Variants in GALNT5 observed in about 807,000 individuals in gnomAD.
The protein encoded by GALNT5 is UDP-GalNAc:polypeptide N-acetylgalactosaminyltransferase 5.
In GALNT5, 72 loss-of-function variants were observed where a neutral mutation model predicts 85.4. The observed-to-expected ratio is 0.84, with a 90% CI of 0.70 to 1.03. GALNT5 has a LOEUF of 1.03. Ranked by LOEUF, GALNT5 falls within the 50% of genes least tolerant of loss-of-function variation. The probability of loss-of-function intolerance (pLI) is 0.00; values close to 1 mark genes in which losing one functional copy is unlikely to be tolerated. For missense variants in GALNT5, 1,137 were observed against 1,135.5 expected, an observed-to-expected ratio of 1.00 and a Z score of -0.02; for synonymous variants, 404 against 397.0, an observed-to-expected ratio of 1.02 and a Z score of -0.21.
intron 1 of GALNT5, among the ~76,000 whole-genome samples, chr2:157,275,185 C>T (rs2105130976): frequency 6.6e-6 from 1 of 152,130 alleles, no homozygotes; most frequent in African/African-American, 2.4e-5. Flanking sequence ...TCCATTCGTC[C>T]ATATATCTGT....
intron 3 of GALNT5, among the ~76,000 whole-genome samples, chr2:157,292,766 C>T (rs1191159835): frequency 3.3e-5 from 5 of 152,044 alleles, no homozygotes; most frequent in Middle Eastern, 3.4e-3. Flanking sequence ...AGTGCAGTGC[C>T]GTGATCTCTG....
In GALNT5 at chr2:157,259,393, TC is replaced by T; in HGVS notation, c.1313del (p.Pro438GlnfsTer8). ...VTLSPRDPKA[P>X]GQFGRPVVVP... ...CACTTTCTCCAAGGGACCCCAAAGCTCCAGGGCAGTTTGGGCGTCCTGTAGT... is the reference window on the plus strand; with the variant it reads ...CACTTTCTCCAAGGGACCCCAAAGCTCAGGGCAGTTTGGGCGTCCTGTAGT... On this transcript the variant is annotated frameshift_variant, in exon 1 of 10. Coordinates refer to ENST00000259056, the MANE Select transcript of GALNT5 (RefSeq NM_014568.3). LOFTEE classifies it high-confidence loss of function. 6.7e-7 allele frequency: 1 copy of T among 1,502,680 alleles called. No individual in the cohort carries two copies. Among genetic ancestry groups the T allele is most frequent in the Non-Finnish European group, 8.9e-7 (1 of 1,123,910 alleles). 93.1% of individuals were successfully genotyped at this position (1,502,680 alleles called of 1,614,324 possible).
chr2:157,308,516 C>T, intron 8 of GALNT5, 51 bp from the exon 9 acceptor site: 1 of 1,439,566 alleles, frequency 6.9e-7, no homozygotes, highest in Non-Finnish European at 9.5e-7. Flanking sequence ...TGACAAAGCC[C>T]CTGCCTGTGT....
rs1558908380 is a variant in GALNT5, at chr2:157,314,228, AG to A, written c.*2881del. 6.6e-6 allele frequency: 1 copy of A among 151,406 alleles called. No homozygotes were observed. The highest frequency in any genetic ancestry group is 1.5e-5 in the Non-Finnish European group (1 of 67,830). The allele number at this position is 151,406 out of a possible 1,614,324, so 9.4% of individuals were successfully genotyped here. On this transcript the variant is annotated 3_prime_UTR_variant, in exon 10 of 10. Coordinates refer to ENST00000259056, the MANE Select transcript of GALNT5 (RefSeq NM_014568.3). ...CTTTACTTTAAAAAAAAAAAAAAAA[AG>A]TCTATGCATCTTGTTACCTTGAATA... is the stretch of plus-strand genomic sequence containing the variant.
At chr2:157,284,047 G>A (rs1335261107) in intron 1 of GALNT5, among the ~76,000 whole-genome samples, 2 of 152,028 alleles carry the variant, frequency 1.3e-5, no homozygotes, top group African/African-American at 4.8e-5. Flanking sequence ...TAACAACCAC[G>A]GTTACGGGTA....
Position 157,289,398 on chromosome 2 carries a change from A to ATTT in GALNT5, c.1741+3264_1741+3265insTTT, listed in dbSNP as rs1240550758. On this transcript the variant is annotated intron_variant, in intron 3 of 9. Transcript: ENST00000259056. Reference sequence around the variant, plus strand: ...TTTTGACAATGGCTTGTGTAGAAATAAATGTTTCATCACAACTCAGTACAT... The same window carrying ATTT: ...TTTTGACAATGGCTTGTGTAGAAATATTTAATGTTTCATCACAACTCAGTACAT... Among the ~76,000 whole-genome samples the ATTT allele has an allele frequency of 2.0e-5, 3 of 152,346 alleles. No individual in the cohort carries two copies. In the East Asian group the frequency reaches 5.8e-4, roughly 29 times the overall value.
In GALNT5 at chr2:157,286,094, C is replaced by T. The variant is rs1173551424; in HGVS notation, c.1701C>T (p.Gly567=). 1 of 1,612,630 alleles carries T rather than the reference C, an allele frequency of 6.2e-7. No homozygotes were observed. The highest frequency in any genetic ancestry group is 1.3e-5 in the African/African-American group (1 of 74,906). ...TTCTTCGCCTCAAAGAGAGACATGG[C>T]TTAATAAGGGCCAGGCTGGCAGGAG... is the stretch of plus-strand genomic sequence containing the variant. ...VRILRLKERH[G]LIRARLAGAQ... is the part of the protein sequence containing the mutation. The change falls in exon 3 of 10, where the codon GGC becomes GGT. Residue 567 remains glycine, a synonymous_variant. Transcript: ENST00000259056.
rs369175354 is a variant in GALNT5, at chr2:157,311,835, G to T, written c.*487G>T. On this transcript the variant is annotated 3_prime_UTR_variant, in exon 10 of 10. Transcript: ENST00000259056. ...GACCTCAGATGCCCACAGCTGTCAC[G>T]TTTGTGAAATCCCTCCAGACTACAT... is the stretch of plus-strand genomic sequence containing the variant. The T allele has an allele frequency of 1.3e-5, 2 of 152,726 alleles. No individual in the cohort carries two copies. The highest frequency in any genetic ancestry group is 4.8e-5 in the African/African-American group (2 of 41,448). The allele number at this position is 152,726 out of a possible 1,614,324, so 9.5% of individuals were successfully genotyped here.
intron 3 of GALNT5, among the ~76,000 whole-genome samples, chr2:157,290,327 G>GA (rs1683073320): frequency 6.6e-6 from 1 of 152,072 alleles, no homozygotes; most frequent in Non-Finnish European, 1.5e-5. Context: ...AGTTTGGAAA[G>GA]AAGAAAGGTT....
rs1331715476 is a variant in GALNT5, at chr2:157,296,487, C to T, written c.1971C>T (p.Asn657=). 1.2e-6 allele frequency: 2 copies of T among 1,609,446 alleles called. No individual in the cohort carries two copies. The highest frequency in any genetic ancestry group is 4.5e-5 in the East Asian group (2 of 44,742). The change falls in exon 5 of 10, where the codon AAC becomes AAT. Residue 657 remains asparagine (N), a synonymous_variant. Transcript: ENST00000259056. ...RTIPPDVIAK[N]RIKETDTIRC... is the part of the protein sequence containing the mutation. ...TTCCTCCAGATGTCATTGCAAAAAA[C>T]AGAATTAAAGAAACTGATACAATAA...
intron 5 of GALNT5, among the ~76,000 whole-genome samples, chr2:157,297,498 C>G (rs60361230): frequency 0.13 from 20,469 of 152,114 alleles, 2,807 homozygotes; most frequent in African/African-American, 0.35. Context: ...GACTCAAACC[C>G]AGAATTACCT....
At chr2:157,310,724 C>A (rs1683551347) in intron 9 of GALNT5, among the ~76,000 whole-genome samples, 1 of 152,106 alleles carries the variant, frequency 6.6e-6, no homozygotes, top group Admixed American at 6.6e-5. Flanking sequence ...TTTTGGACAT[C>A]AGTTATTATG....
intron 3 of GALNT5, among the ~76,000 whole-genome samples, chr2:157,291,942 A>G (rs1378905101): frequency 6.6e-6 from 1 of 152,178 alleles, no homozygotes. Context: ...TTGATATGCT[A>G]ATTACCCTGA....
intron 9 of GALNT5, among the ~76,000 whole-genome samples, chr2:157,310,377 A>C (rs1380396150): frequency 6.6e-6 from 1 of 152,150 alleles, no homozygotes; most frequent in Non-Finnish European, 1.5e-5. Flanking sequence ...ACAACAAGAG[A>C]AGTATAAAAT....
Position 157,300,683 on chromosome 2 carries a change from T to C in GALNT5, c.2123T>C (p.Met708Thr), listed in dbSNP as rs771507083. ...ATCATCAAATTCTTCCAGGTGTGGA[T>C]GTGTGGTGGTGAAATTGAGATCATT... ...ENMELSFKVW[M>T]CGGEIEIIPC... The change falls in exon 7 of 10, where the codon ATG (methionine) becomes ACG (threonine). Residue 708 changes from methionine to threonine, a missense_variant. Coordinates refer to ENST00000259056, the MANE Select transcript of GALNT5 (RefSeq NM_014568.3). The C allele has an allele frequency of 1.2e-6, 2 of 1,608,706 alleles. No homozygotes were observed. Among genetic ancestry groups the C allele is most frequent in the South Asian group, 2.2e-5 (2 of 90,940 alleles).
chr2:157,272,194 T>G (rs770773672), intron 1 of GALNT5, among the ~76,000 whole-genome samples: 1 of 152,162 alleles, frequency 6.6e-6, no homozygotes, highest in Non-Finnish European at 1.5e-5. Context: ...TATCTGTACC[T>G]ACTCTGATGC....
intron 1 of GALNT5, among the ~76,000 whole-genome samples, chr2:157,280,384 C>T (rs965293441): frequency 1.3e-5 from 2 of 152,154 alleles, no homozygotes; most frequent in South Asian, 2.1e-4. Context: ...GATGTGAAGA[C>T]AGAGAGAGAG....
intron 3 of GALNT5, among the ~76,000 whole-genome samples, chr2:157,289,870 G>A (rs1240034364): frequency 6.6e-6 from 1 of 152,052 alleles, no homozygotes; most frequent in South Asian, 2.1e-4. Context: ...TCAGGAGTTC[G>A]AGACCAGCCT....
intron 3 of GALNT5, among the ~76,000 whole-genome samples, chr2:157,290,454 G>T (rs1214810293): frequency 6.6e-6 from 1 of 152,112 alleles, no homozygotes; most frequent in African/African-American, 2.4e-5. Context: ...TTCAGAGACT[G>T]GCATTGAGCA....
Sources: allele counts gnomAD v4.1 joint callset (sites outside exome capture counted in the v4.1 genomes callset), GRCh38; gene constraint gnomAD v4.1.1; transcripts MANE v1.5; gene names NCBI Gene and HGNC (gene_info 2026-07-23, HGNC 2026-07-21).